The following RBM6 variants were observed in gnomAD, a reference collection of about 807,000 sequenced individuals.
RBM6 encodes the protein RNA binding motif protein 6, also known as RNA-binding protein 6.
In RBM6, 23 loss-of-function variants were observed where a neutral mutation model predicts 140.4. The ratio of observed to expected loss-of-function variants is 0.16; its 90% CI spans 0.12 to 0.23. The LOEUF (loss-of-function observed/expected upper bound fraction) is 0.23, where lower values mean the gene tolerates loss of function less well. Ranked by LOEUF, RBM6 falls within the 10% of genes least tolerant of loss-of-function variation. The pLI is 1.00. For missense variants in RBM6, 1,139 were observed against 1,386.7 expected, an observed-to-expected ratio of 0.82 and a Z score of 2.84; for synonymous variants, 439 against 475.6, an observed-to-expected ratio of 0.92 and a Z score of 1.00.
At chr3:49,966,920 A>G (rs2084539539) in intron 2 of RBM6, among the ~76,000 whole-genome samples, 1 of 152,028 alleles carries the variant, frequency 6.6e-6, no homozygotes, top group African/African-American at 2.4e-5. Flanking sequence ...ATTTACAACC[A>G]GTGTTTCTTC....
At chr3:50,060,203 T>A (rs751459849) in intron 11 of RBM6, among the ~76,000 whole-genome samples, 1 of 152,208 alleles carries the variant, frequency 6.6e-6, no homozygotes, top group Non-Finnish European at 1.5e-5. Context: ...TGCAGACACA[T>A]GTCAATACAT....
At chr3:50,057,595 A>AAC (rs1200117832) in intron 8 of RBM6, 133 bp from the exon 9 acceptor site, 2 of 487,126 alleles carry the variant, frequency 4.1e-6, no homozygotes, top group East Asian at 1.3e-4. Flanking sequence ...CTCAAAAAAA[A>AAC]AAAAAAAAAA....
At chr3:50,054,016 T>C in intron 7 of RBM6, 1 of 223,236 alleles carries the variant, frequency 4.5e-6, no homozygotes, top group Admixed American at 5.3e-5. Context: ...TGTAAATGGC[T>C]TTGGGACAAT....
At chr3:50,074,048 C>T (rs934675497) in intron 19 of RBM6, among the ~76,000 whole-genome samples, 2 of 152,100 alleles carry the variant, frequency 1.3e-5, no homozygotes, top group Non-Finnish European at 2.9e-5. Context: ...AGGGTGGTCT[C>T]GAACTCCTGA....
At chr3:50,068,596 T>TGCAACCA in intron 17 of RBM6, 94 bp from the exon 18 acceptor site, 1 of 1,138,952 alleles carries the variant, frequency 8.8e-7, no homozygotes, top group Non-Finnish European at 1.3e-6. Context: ...TCAAAAGAGC[T>TGCAACCA]ACAATCCAAA....
intron 19 of RBM6, among the ~76,000 whole-genome samples, chr3:50,074,482 C>T (rs1435731435): frequency 2.6e-5 from 4 of 152,086 alleles, no homozygotes; most frequent in Admixed American, 6.5e-5. Flanking sequence ...CCACCACACC[C>T]GGCTAATTTT....
intron 6 of RBM6, among the ~76,000 whole-genome samples, chr3:50,015,678 T>C (rs6446192): frequency 0.61 from 92,335 of 151,354 alleles, 28,614 homozygotes; most frequent in East Asian, 0.89. Context: ...GTGATCCACC[T>C]GCCTCAGCCT....
chr3:49,998,940 G>C (rs138779642), intron 5 of RBM6, among the ~76,000 whole-genome samples: 3 of 151,962 alleles, frequency 2.0e-5, no homozygotes, highest in Admixed American at 1.3e-4. Context: ...GCCTCAGTCT[G>C]TCAGCACTTC....
intron 6 of RBM6, among the ~76,000 whole-genome samples, chr3:50,023,328 A>G (rs1338310647): frequency 6.6e-6 from 1 of 151,950 alleles, no homozygotes; most frequent in East Asian, 1.9e-4. Flanking sequence ...TATTTGAGAC[A>G]GAGTTTCACT....
At chr3:50,038,579 C>T (rs928382854) in intron 6 of RBM6, among the ~76,000 whole-genome samples, 6 of 152,136 alleles carry the variant, frequency 3.9e-5, no homozygotes, top group African/African-American at 1.4e-4. Context: ...CGCCTGTAAT[C>T]CCAGCACTTT....
chr3:50,077,160 A>T lies in RBM6; in HGVS notation c.*27A>T. Reference sequence around the variant, plus strand: ...AAAGGAGACAAGTTCCATGGGATACAACCTCCCTCTTGTTTTGTTTGTCTC... The same window carrying T: ...AAAGGAGACAAGTTCCATGGGATACTACCTCCCTCTTGTTTTGTTTGTCTC... On this transcript the variant is annotated 3_prime_UTR_variant, in exon 21 of 21. Transcript: ENST00000266022. 2 of 1,590,662 alleles carry T rather than the reference A, an allele frequency of 1.3e-6. No homozygotes were observed. Among genetic ancestry groups the T allele is most frequent in the South Asian group, 1.1e-5 (1 of 87,380 alleles).
chr3:49,958,196 C>T (rs546194190), intron 1 of RBM6, among the ~76,000 whole-genome samples: 15 of 151,248 alleles, frequency 9.9e-5, no homozygotes, highest in Non-Finnish European at 1.9e-4. Context: ...GAGGCTAAGG[C>T]GGGCGGATCA....
chr3:50,014,981 G>T (rs2087043534), intron 6 of RBM6, among the ~76,000 whole-genome samples: 1 of 148,438 alleles, frequency 6.7e-6, no homozygotes. Context: ...CCCAGAAGGT[G>T]GAGGTTGCGG....
chr3:50,074,346 A>G (rs1278816660), intron 19 of RBM6, among the ~76,000 whole-genome samples: 2 of 147,728 alleles, frequency 1.4e-5, no homozygotes, highest in Non-Finnish European at 3.0e-5. Context: ...TTTGAAACAG[A>G]GTTTCACTCT....
At position 50,057,966 on chromosome 3, in the gene RBM6, A is replaced by T. The variant is rs1237178295; in HGVS notation, c.1932A>T (p.Ser644=). ...TCCGAAGAGACCGAGAGAGGGAGTCATGGTCTGGAGAGACACGCCAGGATG... is the reference window on the plus strand; with the variant it reads ...TCCGAAGAGACCGAGAGAGGGAGTCTTGGTCTGGAGAGACACGCCAGGATG... ...PTFRRDRERE[S]WSGETRQDGE... The change falls in exon 9 of 21, where the codon TCA becomes TCT. Residue 644 remains serine (S), a synonymous_variant. Coordinates refer to ENST00000266022, the MANE Select transcript of RBM6 (RefSeq NM_005777.3). 2 of 1,614,068 alleles carry T rather than the reference A, an allele frequency of 1.2e-6. No homozygotes were observed. The highest frequency in any genetic ancestry group is 1.7e-6 in the Non-Finnish European group (2 of 1,180,040).
rs1447203495 is a variant in RBM6, at chr3:50,052,298, G to A, written c.1633-2037G>A. Among the ~76,000 whole-genome samples the A allele has an allele frequency of 3.3e-5, 5 of 152,240 alleles. No individual in the cohort carries two copies. The East Asian group carries it at 7.7e-4, about 24-fold the overall frequency. The stretch of plus-strand genomic sequence containing the variant: ...TAGGCTGGTCTTGAACTCCTGGCCC[G>A]AAATGATCCAACTTCCTCGGCCTCC... On this transcript the variant is annotated intron_variant, in intron 7 of 20. Transcript: ENST00000266022.
At chr3:49,943,282 AATT>A (rs745679766) in intron 1 of RBM6, among the ~76,000 whole-genome samples, 1 of 151,744 alleles carries the variant, frequency 6.6e-6, no homozygotes, top group Non-Finnish European at 1.5e-5. Flanking sequence ...GCTATATGGT[AATT>A]ATTATTATTA....
chr3:50,058,022 C>A lies in RBM6; in HGVS notation c.1969+19C>A. On this transcript the variant is annotated intron_variant, in intron 9 of 20. Transcript: ENST00000266022. ...AGCAAAAGTAAGTAGTTTGTCAGGG[C>A]ACATACCAGACTGTGATCATCACAA... 1 of 1,607,964 alleles carries A rather than the reference C, an allele frequency of 6.2e-7. No individual in the cohort carries two copies.
chr3:50,023,150 C>A, intron 6 of RBM6, among the ~76,000 whole-genome samples: 1 of 152,046 alleles, frequency 6.6e-6, no homozygotes, highest in Non-Finnish European at 1.5e-5. Flanking sequence ...TCGCTGAATA[C>A]GAGATGAGTT....
Sources: gnomAD v4.1 joint callset for allele counts (sites outside exome capture counted in the v4.1 genomes callset) on GRCh38, gnomAD v4.1.1 for gene constraint, MANE v1.5 for transcripts, NCBI Gene and HGNC (gene_info 2026-07-23, HGNC 2026-07-21) for gene names.